DPP10: variants seen among roughly 807,000 people sequenced by gnomAD.
DPP10 encodes the protein inactive dipeptidyl peptidase 10.
A neutral mutation model predicts 120.9 loss-of-function variants in DPP10; 33 were observed. That is an observed-to-expected ratio of 0.27 (90% confidence interval 0.21 to 0.37). DPP10 has a LOEUF of 0.37. Among genes scored for constraint, DPP10 ranks in the 10% least tolerant of loss-of-function variants. The probability of loss-of-function intolerance (pLI) is 1.00; values close to 1 mark genes in which losing one functional copy is unlikely to be tolerated. For missense variants in DPP10, 816 were observed against 942.8 expected (o/e 0.87, Z 1.76); for synonymous variants, 337 against 326.1 (o/e 1.03, Z -0.36).
At chr2:114,984,905 C>G (rs1427474506) in intron 1 of DPP10, among the ~76,000 whole-genome samples, 1 of 152,152 alleles carries the variant, frequency 6.6e-6, no homozygotes, top group Admixed American at 6.5e-5. Flanking sequence ...GTGTCCATTT[C>G]CATGGCTTTT....
chr2:115,693,704 A>G (rs1189855206), intron 7 of DPP10, among the ~76,000 whole-genome samples: 1 of 152,132 alleles, frequency 6.6e-6, no homozygotes, highest in Non-Finnish European at 1.5e-5. Flanking sequence ...AAAATACTAA[A>G]AATGTATAAA....
chr2:115,661,375 G>A (rs781527005), intron 5 of DPP10, among the ~76,000 whole-genome samples: 4 of 152,118 alleles, frequency 2.6e-5, no homozygotes, highest in African/African-American at 9.7e-5. Context: ...GATACAGGCC[G>A]GTCACCTAGA....
Position 115,588,774 on chromosome 2 carries a change from A to T in DPP10, c.441+62802A>T, listed in dbSNP as rs148916757. ...GCAACTCCATATATGTTTGTTGAAC[A>T]AATGAATGAATTAAAGAATGAACTC... On this transcript the variant is annotated intron_variant, in intron 5 of 25. Coordinates refer to ENST00000410059, the MANE Select transcript of DPP10 (RefSeq NM_020868.6). Among the ~76,000 whole-genome samples, 1,238 of 152,336 alleles carry T rather than the reference A, an allele frequency of 8.1e-3. 18 individuals carry two copies. Among genetic ancestry groups the T allele is most frequent in the African/African-American group, 0.029 (1,196 of 41,566 alleles).
intron 5 of DPP10, among the ~76,000 whole-genome samples, chr2:115,527,709 A>G (rs1475898140): frequency 6.6e-6 from 1 of 152,156 alleles, no homozygotes; most frequent in African/African-American, 2.4e-5. Context: ...GGGCCCAGAC[A>G]TGAAGAGACA....
At chr2:115,795,545 C>T (rs10496507) in intron 19 of DPP10, among the ~76,000 whole-genome samples, 2,111 of 152,200 alleles carry the variant, frequency 0.014, 50 homozygotes, top group African/African-American at 0.045. Flanking sequence ...TCATTCTAAC[C>T]GGAGAGCATT....
chr2:115,197,551 C>G (rs1277880726), intron 1 of DPP10, among the ~76,000 whole-genome samples: 1 of 152,200 alleles, frequency 6.6e-6, no homozygotes, highest in Non-Finnish European at 1.5e-5. Flanking sequence ...TTTTTAGTCA[C>G]TGTAATTTGG....
At chr2:115,431,952 T>G (rs1410157816) in intron 3 of DPP10, among the ~76,000 whole-genome samples, 3 of 152,110 alleles carry the variant, frequency 2.0e-5, no homozygotes, top group Non-Finnish European at 4.4e-5. Context: ...TTATTGATAA[T>G]AAGGCAAATA....
intron 1 of DPP10, among the ~76,000 whole-genome samples, chr2:114,635,849 G>A (rs1370618541): frequency 6.6e-6 from 1 of 151,862 alleles, no homozygotes; most frequent in African/African-American, 2.4e-5. Flanking sequence ...GTTAGCATAA[G>A]TAGCATAGTT....
intron 1 of DPP10, among the ~76,000 whole-genome samples, chr2:114,480,823 G>A (rs565347016): frequency 4.6e-5 from 7 of 151,682 alleles, no homozygotes; most frequent in African/African-American, 7.3e-5. Context: ...AAACCTTCAC[G>A]TTGTGCACAT....
At chr2:114,837,745 C>A (rs1172625043) in intron 1 of DPP10, among the ~76,000 whole-genome samples, 2 of 152,152 alleles carry the variant, frequency 1.3e-5, no homozygotes, top group Non-Finnish European at 2.9e-5. Flanking sequence ...CCTCACAAAT[C>A]ATTGCAGGAA....
chr2:115,236,052 A>T (rs919393948), intron 1 of DPP10, among the ~76,000 whole-genome samples: 1 of 152,146 alleles, frequency 6.6e-6, no homozygotes, highest in Admixed American at 6.5e-5. Context: ...CAAGCAACCA[A>T]AACAAAACCT....
At chr2:115,375,535 T>A (rs920468367) in intron 3 of DPP10, among the ~76,000 whole-genome samples, 4 of 152,202 alleles carry the variant, frequency 2.6e-5, no homozygotes, top group African/African-American at 9.6e-5. Context: ...GTTTCCCAGT[T>A]CCAAAGTCAC....
At chr2:115,059,723 A>G (rs997021523) in intron 1 of DPP10, among the ~76,000 whole-genome samples, 4 of 151,416 alleles carry the variant, frequency 2.6e-5, no homozygotes, top group African/African-American at 9.7e-5. Context: ...GAAGAAAAAT[A>G]AGCTGATGGC....
intron 1 of DPP10, among the ~76,000 whole-genome samples, chr2:115,270,393 C>T (rs1379761729): frequency 2.0e-5 from 3 of 151,780 alleles, no homozygotes; most frequent in Non-Finnish European, 4.4e-5. Context: ...AGATCAGGAG[C>T]AGATAGAAAG....
At chr2:115,562,037 T>G (rs541499294) in intron 5 of DPP10, among the ~76,000 whole-genome samples, 1 of 152,342 alleles carries the variant, frequency 6.6e-6, no homozygotes, top group East Asian at 1.9e-4. Context: ...ATGACAATGT[T>G]TTATTCCATT....
intron 5 of DPP10, among the ~76,000 whole-genome samples, chr2:115,550,983 T>A (rs958471677): frequency 1.3e-5 from 2 of 152,120 alleles, no homozygotes; most frequent in African/African-American, 4.8e-5. Context: ...TATTTAAAAA[T>A]TGGGGAATTT....
intron 5 of DPP10, among the ~76,000 whole-genome samples, chr2:115,688,866 T>C (rs545742088): frequency 2.5e-4 from 38 of 152,314 alleles, no homozygotes; most frequent in African/African-American, 9.1e-4. Flanking sequence ...TAATATGTCA[T>C]TTTCAACCAT....
chr2:115,736,366 AT>A (rs1464290291), intron 8 of DPP10, among the ~76,000 whole-genome samples: 1 of 152,168 alleles, frequency 6.6e-6, no homozygotes, highest in African/African-American at 2.4e-5. Context: ...AGAGCAGACT[AT>A]TTTACTCCTC....
chr2:115,328,072 G>A (rs957014952), intron 2 of DPP10, among the ~76,000 whole-genome samples: 1 of 151,976 alleles, frequency 6.6e-6, no homozygotes, highest in Admixed American at 6.6e-5. Context: ...TCTGGTGTAG[G>A]CTAATAAAGA....
Sources: allele counts gnomAD v4.1 joint callset (sites outside exome capture counted in the v4.1 genomes callset), GRCh38; gene constraint gnomAD v4.1.1; transcripts MANE v1.5; gene names NCBI Gene and HGNC (gene_info 2026-07-23, HGNC 2026-07-21).